CHST11: variants seen among roughly 807,000 people sequenced by gnomAD.
The protein encoded by CHST11 is carbohydrate sulfotransferase 11, also known as C4S-1.
A neutral mutation model predicts 30.4 loss-of-function variants in CHST11; 9 were observed. The observed-to-expected ratio is 0.30, with a 90% CI of 0.18 to 0.52. The LOEUF (loss-of-function observed/expected upper bound fraction) is 0.52, where lower values mean the gene tolerates loss of function less well. CHST11 is among the 20% of genes least tolerant of loss of function. The pLI is 0.97. For synonymous variants in CHST11, 152 were observed against 187.8 expected (o/e 0.81, Z 1.56); for missense variants, 348 against 460.6 (o/e 0.76, Z 2.24).
chr12:104,659,158 G>GC (rs2039573627), intron 2 of CHST11, among the ~76,000 whole-genome samples: 4 of 152,202 alleles, frequency 2.6e-5, no homozygotes, highest in African/African-American at 9.7e-5. Flanking sequence ...CAAGAACTGG[G>GC]ATGATGCCAT....
intron 1 of CHST11, among the ~76,000 whole-genome samples, chr12:104,481,027 C>T (rs547082018): frequency 1.5e-4 from 23 of 152,170 alleles, no homozygotes; most frequent in Non-Finnish European, 2.2e-4. Flanking sequence ...ACCCCTGTGC[C>T]GGGATGTGAC....
chr12:104,637,151 A>G (rs1461741881), intron 2 of CHST11, among the ~76,000 whole-genome samples: 1 of 151,624 alleles, frequency 6.6e-6, no homozygotes. Context: ...AAAAATACAA[A>G]AAAATGAGCT....
chr12:104,468,329 T>A (rs1237540070), intron 1 of CHST11, among the ~76,000 whole-genome samples: 1 of 152,164 alleles, frequency 6.6e-6, no homozygotes, highest in Non-Finnish European at 1.5e-5. Flanking sequence ...AGGCATTGAA[T>A]ATAGATTACT....
intron 2 of CHST11, among the ~76,000 whole-genome samples, chr12:104,731,274 C>G (rs917592020): frequency 6.6e-6 from 1 of 152,198 alleles, no homozygotes; most frequent in Non-Finnish European, 1.5e-5. Flanking sequence ...ACAAGGGCAG[C>G]CCGAACAGGG....
rs74633192 is a variant in CHST11, at chr12:104,755,875, G to A, written c.205-1074G>A. ...TGGGCCCAGCCTAAGGAACGCTTGC[G>A]GCAAAGAGGAAAGAGTGAATCATTG... On this transcript the variant is annotated intron_variant, in intron 2 of 2. Coordinates refer to ENST00000303694, the MANE Select transcript of CHST11 (RefSeq NM_018413.6). Among the ~76,000 whole-genome samples, 832 of 151,584 alleles carry A rather than the reference G, an allele frequency of 5.5e-3. 11 individuals are homozygous for A. The highest frequency in any genetic ancestry group is 0.019 in the African/African-American group (763 of 41,206).
intron 2 of CHST11, among the ~76,000 whole-genome samples, chr12:104,696,377 C>T (rs1333126048): frequency 6.7e-6 from 1 of 149,870 alleles, no homozygotes; most frequent in East Asian, 2.0e-4. Flanking sequence ...TGGCTCACGC[C>T]TGTAATCGCA....
intron 1 of CHST11, among the ~76,000 whole-genome samples, chr12:104,463,446 A>G (rs566604202): frequency 6.6e-6 from 1 of 152,282 alleles, no homozygotes; most frequent in Non-Finnish European, 1.5e-5. Context: ...GAAACTTACA[A>G]GCAGACTTGT....
intron 2 of CHST11, among the ~76,000 whole-genome samples, chr12:104,715,029 G>C (rs898748964): frequency 2.0e-5 from 3 of 152,144 alleles, no homozygotes; most frequent in African/African-American, 7.2e-5. Flanking sequence ...AAGTCCATGG[G>C]CAAGTTCTGG....
intron 1 of CHST11, among the ~76,000 whole-genome samples, chr12:104,518,193 G>T (rs994160413): frequency 2.6e-5 from 4 of 152,082 alleles, no homozygotes; most frequent in African/African-American, 9.7e-5. Flanking sequence ...AGGCTGAGGC[G>T]GGAGGATTGC....
intron 1 of CHST11, among the ~76,000 whole-genome samples, chr12:104,460,884 C>G (rs1256318142): frequency 1.3e-5 from 2 of 152,188 alleles, no homozygotes; most frequent in African/African-American, 4.8e-5. Flanking sequence ...AGTTAATAGT[C>G]TTCCTTAAGA....
intron 1 of CHST11, among the ~76,000 whole-genome samples, chr12:104,598,840 G>T (rs1041384904): frequency 6.0e-5 from 9 of 150,638 alleles, no homozygotes; most frequent in Non-Finnish European, 1.5e-5. Flanking sequence ...GGTGGGTGGG[G>T]TGGGCCTTGA....
At chr12:104,486,892 A>G (rs1447568072) in intron 1 of CHST11, among the ~76,000 whole-genome samples, 1 of 152,212 alleles carries the variant, frequency 6.6e-6, no homozygotes, top group East Asian at 1.9e-4. Flanking sequence ...CCTTTGTTAC[A>G]CAAATACATA....
At chr12:104,717,415 G>A (rs1451887301) in intron 2 of CHST11, among the ~76,000 whole-genome samples, 1 of 152,136 alleles carries the variant, frequency 6.6e-6, no homozygotes, top group East Asian at 1.9e-4. Flanking sequence ...CATGGCTCCA[G>A]GCTTCAGGGA....
Position 104,457,450 on chromosome 12 carries a change from A to T in CHST11, c.39A>T (p.Arg13Ser). 6.2e-7 allele frequency: 1 copy of T among 1,614,164 alleles called. No individual in the cohort carries two copies. The highest frequency in any genetic ancestry group is 8.5e-7 in the Non-Finnish European group (1 of 1,179,986). Reference protein sequence around the residue: ...PALLEVMRMNRICRMVLATCL... With the variant: ...PALLEVMRMNSICRMVLATCL... ...TGCTGGAAGTGATGAGGATGAACAG[A>T]ATCTGCCGGATGGTGCTGGCCACTT... is the stretch of plus-strand genomic sequence containing the variant. The change falls in exon 1 of 3, where the codon AGA becomes AGT. Residue 13 changes from arginine to serine, a missense_variant. Arg to Ser is a moderately radical substitution (Grantham distance 110, BLOSUM62 -1). Coordinates refer to ENST00000303694, the MANE Select transcript of CHST11 (RefSeq NM_018413.6).
At chr12:104,623,077 C>G (rs569276261) in intron 2 of CHST11, among the ~76,000 whole-genome samples, 1 of 152,182 alleles carries the variant, frequency 6.6e-6, no homozygotes. Flanking sequence ...TGCAACTACT[C>G]AGCTTTGCCC....
At chr12:104,498,227 C>T (rs1422548192) in intron 1 of CHST11, among the ~76,000 whole-genome samples, 1 of 152,106 alleles carries the variant, frequency 6.6e-6, no homozygotes, top group African/African-American at 2.4e-5. Context: ...GCACCAGACC[C>T]TGTCCCCTCT....
chr12:104,738,883 G>A (rs974864037), intron 2 of CHST11, among the ~76,000 whole-genome samples: 4 of 152,210 alleles, frequency 2.6e-5, no homozygotes, highest in East Asian at 1.9e-4. Flanking sequence ...CTCCCCCAGC[G>A]CCTCAGGCTG....
At chr12:104,604,702 G>A (rs1052509696) in intron 2 of CHST11, among the ~76,000 whole-genome samples, 17 of 152,194 alleles carry the variant, frequency 1.1e-4, no homozygotes, top group Admixed American at 9.8e-4. Flanking sequence ...TGAGGCAGAT[G>A]ACAAACCCTC....
At chr12:104,648,950 A>G (rs2039464185) in intron 2 of CHST11, among the ~76,000 whole-genome samples, 1 of 152,196 alleles carries the variant, frequency 6.6e-6, no homozygotes, top group Non-Finnish European at 1.5e-5. Flanking sequence ...ACTGCAGTGG[A>G]AGCAGGGGAA....
Sources: allele counts gnomAD v4.1 joint callset (sites outside exome capture counted in the v4.1 genomes callset), GRCh38; gene constraint gnomAD v4.1.1; transcripts MANE v1.5; gene names NCBI Gene and HGNC (gene_info 2026-07-23, HGNC 2026-07-21).